Variants in PRRC2B observed in about 807,000 individuals in gnomAD.
The protein encoded by PRRC2B is proline rich coiled-coil 2B.
Under a neutral mutation model 242.3 loss-of-function variants are expected in PRRC2B, and 68 were observed. The ratio of observed to expected loss-of-function variants is 0.28; its 90% confidence interval spans 0.23 to 0.34. PRRC2B has a LOEUF of 0.34. Among genes scored for constraint, PRRC2B ranks in the 10% least tolerant of loss-of-function variants. The pLI is 1.00. For synonymous variants in PRRC2B, 1,228 were observed against 1,173.6 expected (o/e 1.05, Z -0.95); for missense variants, 2,835 against 2,954.8 (o/e 0.96, Z 0.94).
Position 131,485,145 on chromosome 9 carries a change from C to A in PRRC2B, c.5758+5C>A. 3.8e-6 allele frequency: 6 copies of A among 1,572,270 alleles called. No individual in the cohort carries two copies. Among genetic ancestry groups the A allele is most frequent in the Non-Finnish European group, 5.2e-6 (6 of 1,155,498 alleles). ...CACCTTCTGCTTCTATGCCAGGTAT[C>A]TCATCCCCTGAGCAAGGCCTTGGGG... On this transcript the variant is annotated splice_donor_5th_base_variant and intron_variant, in intron 25 of 31. Coordinates refer to ENST00000683519, the MANE Select transcript of PRRC2B (RefSeq NM_013318.4).
At position 131,476,409 on chromosome 9, in the gene PRRC2B, T is replaced by C; in HGVS notation, c.4280T>C (p.Val1427Ala). The change falls in exon 16 of 32, where the codon GTG (valine) becomes GCG (alanine). Residue 1427 changes from valine (V) to alanine (A), a missense_variant. By Grantham distance (64) the Val-to-Ala change is moderately conservative. Transcript: ENST00000683519. ...AKRSFSSQRP[V>A]VDRQSRKLEP... is the part of the protein sequence containing the mutation. Reference sequence around the variant, plus strand: ...AGGAGCTTCTCCAGTCAGAGACCCGTGGTTGACAGACAGAGCCGAAAGCTG... The same window carrying C: ...AGGAGCTTCTCCAGTCAGAGACCCGCGGTTGACAGACAGAGCCGAAAGCTG... 1.2e-6 allele frequency: 2 copies of C among 1,609,774 alleles called. No homozygotes were observed. Among genetic ancestry groups the C allele is most frequent in the East Asian group, 4.5e-5 (2 of 44,760 alleles).
chr9:131,456,439 G>A (rs1261246099), intron 10 of PRRC2B, among the ~76,000 whole-genome samples: 1 of 151,890 alleles, frequency 6.6e-6, no homozygotes, highest in Non-Finnish European at 1.5e-5. Flanking sequence ...AGACCATCCT[G>A]GCTAACACAG....
chr9:131,411,004 C>A (rs1002840392), intron 1 of PRRC2B, among the ~76,000 whole-genome samples: 2 of 152,006 alleles, frequency 1.3e-5, no homozygotes, highest in African/African-American at 4.8e-5. Context: ...GCCAGTAATC[C>A]CAGCACTCTG....
intron 1 of PRRC2B, among the ~76,000 whole-genome samples, chr9:131,380,654 G>A (rs1836744884): frequency 6.6e-6 from 1 of 151,790 alleles, no homozygotes; most frequent in African/African-American, 2.4e-5. Context: ...TGAGGCGGGA[G>A]AATTACGAGG....
At chr9:131,399,107 C>G (rs144721618) in intron 1 of PRRC2B, among the ~76,000 whole-genome samples, 3 of 151,060 alleles carry the variant, frequency 2.0e-5, no homozygotes, top group African/African-American at 7.3e-5. Context: ...GAAACCCCGT[C>G]TCTGCTAAAA....
chr9:131,488,828 G>A, intron 28 of PRRC2B, among the ~76,000 whole-genome samples: 1 of 152,208 alleles, frequency 6.6e-6, no homozygotes, highest in East Asian at 1.9e-4. Context: ...TCCAGTGTCT[G>A]CTGAGAAATC....
At chr9:131,484,566 G>T in intron 23 of PRRC2B, 120 bp from the exon 24 acceptor site, 1 of 754,162 alleles carries the variant, frequency 1.3e-6, no homozygotes, top group South Asian at 2.0e-5. Flanking sequence ...GATGGGTTTG[G>T]GCAAGTCATA....
chr9:131,481,872 C>T, intron 20 of PRRC2B, 64 bp downstream of exon 20: 1 of 1,429,778 alleles, frequency 7.0e-7, no homozygotes, highest in Non-Finnish European at 9.5e-7. Context: ...GCTCACCATC[C>T]ACACGGCCAG....
At chr9:131,436,785 G>A in intron 4 of PRRC2B, 63 bp downstream of exon 4, 2 of 1,352,710 alleles carry the variant, frequency 1.5e-6, no homozygotes, top group East Asian at 2.3e-5. Flanking sequence ...TCTCTTTGTT[G>A]CTGGGGGATG....
At chr9:131,398,956 C>T (rs899465736) in intron 1 of PRRC2B, among the ~76,000 whole-genome samples, 3 of 149,254 alleles carry the variant, frequency 2.0e-5, no homozygotes, top group Non-Finnish European at 3.0e-5. Context: ...CTAGCCTGGG[C>T]GACAGAGTGA....
At chr9:131,411,919 G>T (rs938487614) in intron 1 of PRRC2B, among the ~76,000 whole-genome samples, 2 of 151,874 alleles carry the variant, frequency 1.3e-5, no homozygotes, top group Admixed American at 1.3e-4. Context: ...ATTCAAGGGA[G>T]TCTCCCAAGT....
chr9:131,486,640 G>GGT, intron 26 of PRRC2B: 1 of 683,832 alleles, frequency 1.5e-6, no homozygotes, highest in Non-Finnish European at 1.8e-6. Flanking sequence ...CTCTAATGCT[G>GGT]GTGCTGGGCC....
At chr9:131,413,479 A>G (rs952762317) in intron 1 of PRRC2B, among the ~76,000 whole-genome samples, 3 of 152,216 alleles carry the variant, frequency 2.0e-5, no homozygotes, top group South Asian at 2.1e-4. Flanking sequence ...TTCAAGTGCT[A>G]TTTCTTTACA....
chr9:131,430,561 ATGTGTGTGTGTGTGTG>A (rs200517031), intron 2 of PRRC2B, among the ~76,000 whole-genome samples: 2 of 118,718 alleles, frequency 1.7e-5, no homozygotes, highest in South Asian at 6.5e-4. Context: ...GTGTGTGTGT[ATGTGTGTGTGTGTGTG>A]TGTGTGTGTG....
At chr9:131,405,453 T>C (rs1032993051) in intron 1 of PRRC2B, among the ~76,000 whole-genome samples, 2 of 152,210 alleles carry the variant, frequency 1.3e-5, no homozygotes, top group African/African-American at 4.8e-5. Context: ...TTGCTGTTAA[T>C]ATTCATTGCT....
intron 9 of PRRC2B, 136 bp downstream of exon 9, chr9:131,447,940 A>G: frequency 6.1e-6 from 5 of 823,210 alleles, no homozygotes; most frequent in Non-Finnish European, 8.7e-6. Flanking sequence ...AGGGAAGCAG[A>G]CCTGATGCCC....
intron 13 of PRRC2B, 107 bp downstream of exon 13, chr9:131,467,860 A>AATAT: frequency 8.6e-7 from 1 of 1,165,988 alleles, no homozygotes; most frequent in Non-Finnish European, 1.2e-6. Flanking sequence ...AAAAGGCCAG[A>AATAT]ATATCCCTTA....
intron 11 of PRRC2B, among the ~76,000 whole-genome samples, chr9:131,460,307 G>A (rs1020757363): frequency 6.6e-6 from 1 of 152,196 alleles, no homozygotes; most frequent in African/African-American, 2.4e-5. Flanking sequence ...ATCTGGATCA[G>A]TTCCTCAGCC....
At position 131,483,423 on chromosome 9, in the gene PRRC2B, T is replaced by G; in HGVS notation, c.5438T>G (p.Leu1813Arg). The change falls in exon 23 of 32, where the codon CTT becomes CGT. Residue 1813 changes from leucine (L) to arginine (R), a missense_variant. By Grantham distance (102) the Leu-to-Arg change is moderately radical. This residue lies in a region of PRRC2B where 574 missense variants were observed against 626.0 expected (regional missense o/e 0.92). Coordinates refer to ENST00000683519, the MANE Select transcript of PRRC2B (RefSeq NM_013318.4). ...CCTACTGGGAGTCCAGTTGTTAAACTTCAGGATGCCTTGGCCAGTAATGTA... is the reference window on the plus strand; with the variant it reads ...CCTACTGGGAGTCCAGTTGTTAAACGTCAGGATGCCTTGGCCAGTAATGTA... The part of the protein sequence containing the change: ...SGPTGSPVVK[L>R]QDALASNAGL... 1.2e-6 allele frequency: 2 copies of G among 1,613,926 alleles called. No individual in the cohort carries two copies. The highest frequency in any genetic ancestry group is 1.7e-6 in the Non-Finnish European group (2 of 1,179,874).
Sources: gnomAD v4.1 joint callset for allele counts (sites outside exome capture counted in the v4.1 genomes callset) on GRCh38, gnomAD v4.1.1 for gene constraint, gnomAD v4.1.1 regional missense constraint, MANE v1.5 for transcripts, NCBI Gene and HGNC (gene_info 2026-07-23, HGNC 2026-07-21) for gene names.